CFAP20DC: variants seen among roughly 807,000 people sequenced by gnomAD.
The protein encoded by CFAP20DC is CFAP20 domain containing.
CFAP20DC carries 84 observed loss-of-function variants against 101.7 expected under a neutral mutation model. That is an observed-to-expected ratio of 0.83 (90% CI 0.69 to 0.99). CFAP20DC has a LOEUF of 0.99. Among genes scored for constraint, CFAP20DC ranks in the 50% least tolerant of loss-of-function variants. The pLI, the probability that CFAP20DC is intolerant of heterozygous loss-of-function variation, is 0.00. For synonymous variants in CFAP20DC, 359 were observed against 351.2 expected (o/e 1.02, Z -0.25); for missense variants, 1,007 against 970.3 (o/e 1.04, Z -0.50).
At chr3:58,726,212 GA>G (rs1485499831) in intron 3 of CFAP20DC, 1 of 152,192 alleles carries the variant, frequency 6.6e-6, no homozygotes, top group Non-Finnish European at 1.5e-5. Context: ...CATATTCAGA[GA>G]AAGAACTATA....
At chr3:58,771,093 C>T (rs918743522) in intron 15 of CFAP20DC, among the ~76,000 whole-genome samples, 1 of 152,106 alleles carries the variant, frequency 6.6e-6, no homozygotes. Context: ...GAGTTCATGT[C>T]CTTTGCAGGG....
intron 7 of CFAP20DC, among the ~76,000 whole-genome samples, chr3:58,878,780 G>C (rs2080978398): frequency 6.6e-6 from 1 of 152,154 alleles, no homozygotes; most frequent in East Asian, 1.9e-4. Flanking sequence ...GGGAGGCTGA[G>C]GGGGGCGGAT....
At chr3:59,041,968 C>T (rs771145448) in intron 3 of CFAP20DC, among the ~76,000 whole-genome samples, 1 of 152,142 alleles carries the variant, frequency 6.6e-6, no homozygotes, top group Admixed American at 6.5e-5. Flanking sequence ...GTAAATAAGA[C>T]ATACATGCTC....
At chr3:58,953,211 T>C (rs2090312219) in intron 4 of CFAP20DC, among the ~76,000 whole-genome samples, 1 of 152,104 alleles carries the variant, frequency 6.6e-6, no homozygotes, top group African/African-American at 2.4e-5. Context: ...CAGAAGACTG[T>C]GTGAAAAGCC....
chr3:58,969,228 C>G (rs1172863325), intron 4 of CFAP20DC, among the ~76,000 whole-genome samples: 1 of 152,006 alleles, frequency 6.6e-6, no homozygotes, highest in Non-Finnish European at 1.5e-5. Context: ...GGCCAATAAG[C>G]AAATGGAAAG....
intron 13 of CFAP20DC, among the ~76,000 whole-genome samples, chr3:58,836,334 A>G (rs1004322573): frequency 1.3e-5 from 2 of 152,218 alleles, no homozygotes; most frequent in African/African-American, 4.8e-5. Context: ...AACATAAAAC[A>G]CAACAAACAG....
chr3:58,921,827 C>T (rs1241913778), intron 5 of CFAP20DC, among the ~76,000 whole-genome samples: 4 of 152,098 alleles, frequency 2.6e-5, no homozygotes, highest in Non-Finnish European at 5.9e-5. Flanking sequence ...TGCATATTTA[C>T]CATTCTGTGT....
chr3:58,888,666 C>T (rs1187708744), intron 6 of CFAP20DC, among the ~76,000 whole-genome samples: 1 of 152,228 alleles, frequency 6.6e-6, no homozygotes, highest in East Asian at 1.9e-4. Context: ...ATTTGGTTTT[C>T]TGTTCCTGCA....
At chr3:58,809,246 T>C (rs1402922035) in intron 14 of CFAP20DC, among the ~76,000 whole-genome samples, 5 of 152,018 alleles carry the variant, frequency 3.3e-5, no homozygotes, top group African/African-American at 9.7e-5. Context: ...CAACAGAATA[T>C]ACATTTTTTT....
chr3:58,811,957 C>T (rs1303719571), intron 14 of CFAP20DC, among the ~76,000 whole-genome samples: 4 of 152,152 alleles, frequency 2.6e-5, no homozygotes, highest in African/African-American at 7.2e-5. Context: ...TGAAAAAATG[C>T]TTACCATCAC....
rs2080582398 is a variant in CFAP20DC, at chr3:58,874,658, G to C, written c.716-4349C>G. Among the ~76,000 whole-genome samples, 4 of 152,130 alleles carry C rather than the reference G, an allele frequency of 2.6e-5. No homozygotes were observed. The South Asian group carries it at 8.3e-4, about 32-fold the overall frequency. ...TTTCCCTCTTGACCTTTATGCCTCA[G>C]TTCACATATCATTTCCTCAGACAAG... On this transcript the variant is annotated intron_variant, in intron 7 of 16. Coordinates refer to ENST00000482387, the MANE Select transcript of CFAP20DC (RefSeq NM_001394063.1). The surrounding 1 kb of genome is among the most constrained non-coding windows in gnomAD (Gnocchi z 5.1).
At chr3:58,873,454 C>T (rs1218306339) in intron 7 of CFAP20DC, among the ~76,000 whole-genome samples, 1 of 149,612 alleles carries the variant, frequency 6.7e-6, no homozygotes, top group Non-Finnish European at 1.5e-5. Flanking sequence ...TGCTGTAAGG[C>T]AGGTGCTCAA....
At chr3:58,872,473 G>C (rs1443394529) in intron 7 of CFAP20DC, among the ~76,000 whole-genome samples, 4 of 152,170 alleles carry the variant, frequency 2.6e-5, no homozygotes, top group Non-Finnish European at 5.9e-5. Context: ...GTGTATGTAT[G>C]GGTGTGTTTT....
intron 14 of CFAP20DC, among the ~76,000 whole-genome samples, chr3:58,821,364 A>C (rs1427435494): frequency 6.6e-6 from 1 of 152,184 alleles, no homozygotes; most frequent in Non-Finnish European, 1.5e-5. Context: ...GGCAACCTAC[A>C]AAATGGGAGA....
At chr3:58,893,333 C>T (rs757032069) in intron 6 of CFAP20DC, among the ~76,000 whole-genome samples, 26 of 152,146 alleles carry the variant, frequency 1.7e-4, no homozygotes, top group Non-Finnish European at 2.9e-4. Flanking sequence ...CGTGAGCCAC[C>T]GTGCCCGGCC....
At chr3:58,934,449 GCT>G (rs2087219529) in intron 5 of CFAP20DC, among the ~76,000 whole-genome samples, 3 of 152,122 alleles carry the variant, frequency 2.0e-5, no homozygotes, top group African/African-American at 7.2e-5. Context: ...TGATACCAAA[GCT>G]GGGCAGAGAC....
chr3:58,764,541 T>A (rs945186412), intron 15 of CFAP20DC, among the ~76,000 whole-genome samples: 1 of 152,084 alleles, frequency 6.6e-6, no homozygotes. Context: ...GCACCCACTG[T>A]CCGATACTCC....
intron 3 of CFAP20DC, chr3:58,734,577 A>C (rs903400251): frequency 2.2e-6 from 1 of 456,440 alleles, no homozygotes; most frequent in African/African-American, 2.0e-5. Flanking sequence ...TTTTAGAAAA[A>C]AAACAAACTC....
At chr3:58,926,410 T>C (rs1170138328) in intron 5 of CFAP20DC, among the ~76,000 whole-genome samples, 2 of 151,802 alleles carry the variant, frequency 1.3e-5, no homozygotes, top group Non-Finnish European at 2.9e-5. Context: ...AAAATAATAA[T>C]ATTCACATAA....
Sources: allele counts gnomAD v4.1 joint callset (sites outside exome capture counted in the v4.1 genomes callset), GRCh38; gene constraint gnomAD v4.1.1; non-coding constraint Gnocchi (gnomAD v3.1); transcripts MANE v1.5; gene names NCBI Gene and HGNC (gene_info 2026-07-23, HGNC 2026-07-21).